The following CNTLN variants were observed in gnomAD, a reference collection of about 807,000 sequenced individuals.
CNTLN encodes centlein, also known as centlein, centrosomal protein.
CNTLN carries 212 observed loss-of-function variants against 180.0 expected under a neutral mutation model. That is an observed-to-expected ratio of 1.18 (90% CI 1.05 to 1.32). The LOEUF is 1.32. CNTLN is among the 40% of genes most tolerant of loss of function. The pLI is 0.00. For synonymous variants in CNTLN, 722 were observed against 563.1 expected (o/e 1.28, Z -3.99); for missense variants, 2,095 against 1,610.9 (o/e 1.30, Z -5.14).
At chr9:17,496,496 T>TA (rs1438934847) in intron 25 of CNTLN, among the ~76,000 whole-genome samples, 1 of 152,176 alleles carries the variant, frequency 6.6e-6, no homozygotes, top group East Asian at 1.9e-4. Flanking sequence ...CCTCATGACC[T>TA]AATTACCTCC....
intron 5 of CNTLN, among the ~76,000 whole-genome samples, chr9:17,265,955 G>T (rs934487667): frequency 1.3e-5 from 2 of 151,812 alleles, no homozygotes; most frequent in Admixed American, 1.3e-4. Context: ...CTTGCTAGCG[G>T]TCTATCAATT....
intron 6 of CNTLN, among the ~76,000 whole-genome samples, chr9:17,294,249 T>A (rs1457505065): frequency 6.6e-6 from 1 of 152,062 alleles, no homozygotes; most frequent in Non-Finnish European, 1.5e-5. Flanking sequence ...CCAAGGGGGT[T>A]GCCACTGCTG....
chr9:17,271,201 A>G (rs1827921240), intron 5 of CNTLN, among the ~76,000 whole-genome samples: 1 of 152,038 alleles, frequency 6.6e-6, no homozygotes, highest in Non-Finnish European at 1.5e-5. Context: ...TCAGCCTCCC[A>G]AAGTGCTGGG....
intron 2 of CNTLN, among the ~76,000 whole-genome samples, chr9:17,154,966 A>G (rs998565222): frequency 9.2e-5 from 14 of 152,004 alleles, no homozygotes; most frequent in African/African-American, 3.1e-4. Context: ...GAGCTGTAAC[A>G]CTCACTGCGA....
chr9:17,157,891 T>C (rs1819410998), intron 2 of CNTLN, among the ~76,000 whole-genome samples: 1 of 152,188 alleles, frequency 6.6e-6, no homozygotes, highest in Non-Finnish European at 1.5e-5. Context: ...AGTGACACCT[T>C]TGCTTTCTGA....
intron 10 of CNTLN, among the ~76,000 whole-genome samples, chr9:17,336,004 A>G (rs1821007708): frequency 6.6e-6 from 1 of 152,032 alleles, no homozygotes; most frequent in South Asian, 2.1e-4. Flanking sequence ...TACTTAGTAA[A>G]TGTTTTATTG....
chr9:17,180,847 T>C (rs1381663264), intron 2 of CNTLN, among the ~76,000 whole-genome samples: 3 of 152,192 alleles, frequency 2.0e-5, no homozygotes, highest in Non-Finnish European at 2.9e-5. Flanking sequence ...TCTTTTCTTT[T>C]CTTTCGGTAT....
chr9:17,178,211 G>A (rs1273871098), intron 2 of CNTLN, among the ~76,000 whole-genome samples: 1 of 152,084 alleles, frequency 6.6e-6, no homozygotes. Flanking sequence ...CAAGCACTGA[G>A]CTAGACACAG....
chr9:17,490,594 T>G (rs1588105473), intron 25 of CNTLN, among the ~76,000 whole-genome samples: 1 of 151,902 alleles, frequency 6.6e-6, no homozygotes, highest in Admixed American at 6.6e-5. Context: ...ATATAGAGAG[T>G]GACTGCTTAC....
rs1818022400 is a variant in CNTLN at position 17,140,607 on chromosome 9, A to G, written c.361-2681A>G. 2.0e-5 allele frequency among the ~76,000 whole-genome samples: 3 copies of G among 152,096 alleles called. No individual in the cohort carries two copies. In the South Asian group the frequency reaches 6.2e-4, roughly 32 times the overall value. Reference sequence around the variant, plus strand: ...AGGCGTATTCCACTATGGCTAGCTAATTTTTAAGTTTTTTGTGGCGATGGG... The same window carrying G: ...AGGCGTATTCCACTATGGCTAGCTAGTTTTTAAGTTTTTTGTGGCGATGGG... On this transcript the variant is annotated intron_variant, in intron 1 of 25. Coordinates refer to ENST00000380647, the MANE Select transcript of CNTLN (RefSeq NM_017738.4).
At chr9:17,337,003 C>T (rs1223829790) in intron 10 of CNTLN, among the ~76,000 whole-genome samples, 3 of 152,182 alleles carry the variant, frequency 2.0e-5, no homozygotes, top group African/African-American at 7.2e-5. Flanking sequence ...TAATGATCAC[C>T]ATTCTAACTG....
At chr9:17,203,844 A>G (rs1267470409) in intron 2 of CNTLN, among the ~76,000 whole-genome samples, 2 of 152,332 alleles carry the variant, frequency 1.3e-5, no homozygotes, top group South Asian at 2.1e-4. Flanking sequence ...GGCTTGAGCC[A>G]CCGCACCCGG....
chr9:17,208,520 C>A (rs912231575), intron 2 of CNTLN, among the ~76,000 whole-genome samples: 8 of 152,028 alleles, frequency 5.3e-5, no homozygotes, highest in Admixed American at 3.3e-4. Flanking sequence ...CCTGTTTTTC[C>A]AACTACTTTA....
At chr9:17,500,953 A>T (rs1003582960) in intron 25 of CNTLN, among the ~76,000 whole-genome samples, 29 of 152,318 alleles carry the variant, frequency 1.9e-4, no homozygotes, top group African/African-American at 7.0e-4. Context: ...CAATTTGTCA[A>T]AATTAAAGCG....
At chr9:17,401,249 C>G (rs561725298) in intron 15 of CNTLN, among the ~76,000 whole-genome samples, 1 of 152,212 alleles carries the variant, frequency 6.6e-6, no homozygotes, top group South Asian at 2.1e-4. Context: ...TGATGGATGA[C>G]CAGACTATAT....
In CNTLN at chr9:17,227,280, T is replaced by C. The variant is rs906703310; in HGVS notation, c.534+993T>C. 3.9e-5 allele frequency among the ~76,000 whole-genome samples: 6 copies of C among 151,906 alleles called. No homozygotes were observed. The East Asian group carries it at 1.2e-3, about 29-fold the overall frequency. On this transcript the variant is annotated intron_variant, in intron 3 of 25. Transcript: ENST00000380647. ...ACTATATCAAGTACAGTCCTATCTT[T>C]TATGTATAATCAGTAAATTATACAA...
In CNTLN at chr9:17,181,087, C is replaced by A. The variant is rs996866823; in HGVS notation, c.449+37711C>A. Among the ~76,000 whole-genome samples the A allele has an allele frequency of 4.6e-5, 7 of 152,198 alleles. No homozygotes were observed. The East Asian group carries it at 1.4e-3, about 29-fold the overall frequency. ...GCTTCATGAATCTGTATGATTATGT[C>A]TTTTGCCAAACTTGATAAATTTTGA... is the stretch of plus-strand genomic sequence containing the variant. On this transcript the variant is annotated intron_variant, in intron 2 of 25. Coordinates refer to ENST00000380647, the MANE Select transcript of CNTLN (RefSeq NM_017738.4).
intron 22 of CNTLN, 104 bp from the exon 23 acceptor site, chr9:17,466,602 A>C: frequency 2.3e-6 from 2 of 883,166 alleles, no homozygotes; most frequent in Non-Finnish European, 1.7e-6. Flanking sequence ...TAATAAATAC[A>C]TAGAGAGAAT....
chr9:17,362,545 G>C (rs939335668), intron 12 of CNTLN, among the ~76,000 whole-genome samples: 1 of 152,114 alleles, frequency 6.6e-6, no homozygotes, highest in Non-Finnish European at 1.5e-5. Context: ...GTGAGGGGAA[G>C]GAGAGGCTAC....
Sources: gnomAD v4.1 joint callset for allele counts (sites outside exome capture counted in the v4.1 genomes callset) on GRCh38, gnomAD v4.1.1 for gene constraint, MANE v1.5 for transcripts, NCBI Gene and HGNC (gene_info 2026-07-23, HGNC 2026-07-21) for gene names.